Variants in AMPH observed in about 807,000 individuals in gnomAD.
AMPH encodes the protein amphiphysin, also known as amphiphysin (Stiff-Mann syndrome with breast cancer 128kD autoantigen).
AMPH carries 49 observed loss-of-function variants against 99.1 expected under a neutral mutation model. That is an observed-to-expected ratio of 0.49 (90% CI 0.39 to 0.63). The LOEUF is 0.63. AMPH is among the 20% of genes least tolerant of loss of function. The pLI, the probability that AMPH is intolerant of heterozygous loss-of-function variation, is 0.00. For synonymous variants in AMPH, 314 were observed against 317.3 expected (o/e 0.99, Z 0.11); for missense variants, 759 against 863.4 (o/e 0.88, Z 1.52).
chr7:38,612,784 ATG>A, intron 1 of AMPH, among the ~76,000 whole-genome samples: 1 of 152,148 alleles, frequency 6.6e-6, no homozygotes, highest in East Asian at 1.9e-4. Flanking sequence ...CAAAGGAAAT[ATG>A]TGTTATATAC....
intron 1 of AMPH, among the ~76,000 whole-genome samples, chr7:38,592,752 G>T (rs1029284036): frequency 6.6e-6 from 1 of 150,486 alleles, no homozygotes; most frequent in Non-Finnish European, 1.5e-5. Flanking sequence ...AAAAAAATCA[G>T]TTTCTCCCAC....
At chr7:38,464,241 A>G in intron 9 of AMPH, 1 of 692,028 alleles carries the variant, frequency 1.4e-6, no homozygotes, top group Non-Finnish European at 2.2e-6. Context: ...GAACAACCCT[A>G]AATTTTTTCA....
intron 1 of AMPH, among the ~76,000 whole-genome samples, chr7:38,551,172 C>T (rs1007349339): frequency 1.3e-5 from 2 of 152,168 alleles, no homozygotes; most frequent in African/African-American, 4.8e-5. Context: ...GGGATTTTAA[C>T]ATCAGGCAAA....
intron 1 of AMPH, among the ~76,000 whole-genome samples, chr7:38,550,824 C>A (rs532888203): frequency 6.6e-6 from 1 of 152,260 alleles, no homozygotes; most frequent in African/African-American, 2.4e-5. Flanking sequence ...TTTAATGAAG[C>A]CATCACAATT....
At chr7:38,446,803 C>A (rs1786801977) in intron 11 of AMPH, among the ~76,000 whole-genome samples, 1 of 151,896 alleles carries the variant, frequency 6.6e-6, no homozygotes, top group Non-Finnish European at 1.5e-5. Context: ...ATCAATAGAG[C>A]TTACTAATAA....
chr7:38,541,956 T>A (rs1046269002), intron 1 of AMPH, among the ~76,000 whole-genome samples: 15 of 152,236 alleles, frequency 9.9e-5, no homozygotes, highest in Admixed American at 3.9e-4. Context: ...CAATCACACA[T>A]CTACCTGAAA....
intron 11 of AMPH, among the ~76,000 whole-genome samples, chr7:38,437,860 C>T (rs936928093): frequency 6.6e-6 from 1 of 151,936 alleles, no homozygotes; most frequent in Non-Finnish European, 1.5e-5. Flanking sequence ...AACCTAAATA[C>T]TTTCCTTAGC....
intron 1 of AMPH, among the ~76,000 whole-genome samples, chr7:38,620,028 C>T (rs1195809846): frequency 6.6e-6 from 1 of 152,132 alleles, no homozygotes. Context: ...GAGATCCTCC[C>T]AAGGTTTGGA....
intron 1 of AMPH, among the ~76,000 whole-genome samples, chr7:38,569,501 G>A (rs1483436505): frequency 7.9e-5 from 12 of 151,724 alleles, no homozygotes; most frequent in East Asian, 5.8e-4. Context: ...AGTACTTGCC[G>A]TTAGTGCAAA....
intron 5 of AMPH, among the ~76,000 whole-genome samples, chr7:38,477,845 C>G (rs982706146): frequency 4.6e-5 from 7 of 151,956 alleles, no homozygotes; most frequent in Non-Finnish European, 7.4e-5. Context: ...AGATGGAGAG[C>G]CTTCTGACCT....
At chr7:38,513,967 T>C (rs993967923) in intron 2 of AMPH, among the ~76,000 whole-genome samples, 2 of 152,354 alleles carry the variant, frequency 1.3e-5, no homozygotes, top group South Asian at 4.1e-4. Context: ...AGCTATAGTC[T>C]TGGTCTTTGA....
At chr7:38,503,504 G>GGT (rs1554348778) in intron 3 of AMPH, 146 bp downstream of exon 3, 5 of 512,888 alleles carry the variant, frequency 9.7e-6, no homozygotes, top group African/African-American at 2.1e-5. Context: ...GCGGGGGGGT[G>GGT]GGTGGTGGAA....
intron 5 of AMPH, among the ~76,000 whole-genome samples, chr7:38,480,157 T>C (rs944622876): frequency 1.3e-5 from 2 of 152,152 alleles, no homozygotes; most frequent in South Asian, 2.1e-4. Flanking sequence ...TTTCAGGGAT[T>C]ATCTCCATTT....
intron 1 of AMPH, among the ~76,000 whole-genome samples, chr7:38,606,566 C>CT (rs56934636): frequency 6.2e-3 from 599 of 97,126 alleles, no homozygotes; most frequent in East Asian, 9.0e-3. Flanking sequence ...ACGTCATTCT[C>CT]TTTTTTTTTT....
chr7:38,406,731 C>CCTCTCT (rs56738810), intron 17 of AMPH, among the ~76,000 whole-genome samples: 100 of 80,504 alleles, frequency 1.2e-3, no homozygotes, highest in African/African-American at 3.0e-3. Context: ...TCTCCCTTTC[C>CCTCTCT]CTCTCTCTCT....
At chr7:38,473,501 G>C (rs1483765325) in intron 7 of AMPH, among the ~76,000 whole-genome samples, 1 of 121,114 alleles carries the variant, frequency 8.3e-6, no homozygotes, top group Non-Finnish European at 1.7e-5. Flanking sequence ...TCAGGAGATC[G>C]AGACCATCCT....
At chr7:38,466,051 C>T in intron 8 of AMPH, 122 bp downstream of exon 8, 1 of 750,802 alleles carries the variant, frequency 1.3e-6, no homozygotes, top group Non-Finnish European at 2.2e-6. Flanking sequence ...TAATAACACA[C>T]TGCTAAAAGA....
chr7:38,397,101 C>A (rs965090241), intron 17 of AMPH, among the ~76,000 whole-genome samples: 2 of 152,200 alleles, frequency 1.3e-5, no homozygotes, highest in Non-Finnish European at 2.9e-5. Context: ...CAGACACCAC[C>A]ACTACACACA....
At chr7:38,551,754 G>A (rs1242452614) in intron 1 of AMPH, among the ~76,000 whole-genome samples, 1 of 152,170 alleles carries the variant, frequency 6.6e-6, no homozygotes, top group African/African-American at 2.4e-5. Flanking sequence ...GAAAGAATGA[G>A]GGAGAGAAAC....
Sources: allele counts gnomAD v4.1 joint callset (sites outside exome capture counted in the v4.1 genomes callset), GRCh38; gene constraint gnomAD v4.1.1; transcripts MANE v1.5; gene names NCBI Gene and HGNC (gene_info 2026-07-23, HGNC 2026-07-21).